Variants in CRAMP1 observed in about 807,000 individuals in gnomAD.
CRAMP1 encodes the protein cramped chromatin regulator 1.
Under a neutral mutation model 115.4 loss-of-function variants are expected in CRAMP1, and 50 were observed. The observed-to-expected ratio is 0.43, with a 90% CI of 0.35 to 0.55. The LOEUF (loss-of-function observed/expected upper bound fraction) is 0.55. Among genes scored for constraint, CRAMP1 ranks in the 20% least tolerant of loss-of-function variants. CRAMP1 has a pLI of 0.01. For missense variants in CRAMP1, 1,679 were observed against 1,721.7 expected, an observed-to-expected ratio of 0.98 and a Z score of 0.44; for synonymous variants, 866 against 745.4, an observed-to-expected ratio of 1.16 and a Z score of -2.64.
chr16:1,617,129 C>T (rs896213335), intron 2 of CRAMP1, among the ~76,000 whole-genome samples: 2 of 152,170 alleles, frequency 1.3e-5, no homozygotes, highest in South Asian at 2.1e-4. Context: ...TGGCCACAAG[C>T]AAATATATCT....
intron 2 of CRAMP1, chr16:1,620,829 C>A (rs552815056): frequency 5.3e-6 from 2 of 375,504 alleles, no homozygotes; most frequent in South Asian, 3.7e-5. Flanking sequence ...TCTGACGGCA[C>A]GGCATGGGAA....
chr16:1,632,376 C>A lies in CRAMP1; in HGVS notation c.694+11C>A, dbSNP rs1423743448. 6.3e-7 allele frequency: 1 copy of A among 1,580,904 alleles called. No individual in the cohort carries two copies. The highest frequency in any genetic ancestry group is 1.8e-5 in the Admixed American group (1 of 54,424). On this transcript the variant is annotated intron_variant, in intron 4 of 20. Coordinates refer to ENST00000397412, the MANE Select transcript of CRAMP1 (RefSeq NM_020825.4). ...TCGACTTTGATCATGGTGAGTGTGC[C>A]ACGGGCCAGGCTCGGGGGTGCCCAC...
Position 1,632,364 on chromosome 16 carries a change from T to C in CRAMP1, c.693T>C (p.His231=). The C allele has an allele frequency of 1.3e-6, 2 of 1,587,928 alleles. No homozygotes were observed. Among genetic ancestry groups the C allele is most frequent in the South Asian group, 1.2e-5 (1 of 86,836 alleles). The change falls in exon 4 of 21, where the codon CAT becomes CAC. Residue 231 remains histidine, a splice_region_variant and synonymous_variant. Transcript: ENST00000397412. ...TCACCAAGTACATCGACTTTGATCA[T>C]GGTGAGTGTGCCACGGGCCAGGCTC... The part of the protein sequence containing the change: ...HKITKYIDFD[H]VFSRGLKKSS...
intron 2 of CRAMP1, among the ~76,000 whole-genome samples, chr16:1,625,252 G>A (rs1437086194): frequency 3.9e-5 from 6 of 152,080 alleles, no homozygotes; most frequent in East Asian, 1.9e-4. Flanking sequence ...CTCCGGTCTC[G>A]GAGGAGCCTG....
intron 6 of CRAMP1, among the ~76,000 whole-genome samples, chr16:1,641,469 C>T (rs1201545186): frequency 6.6e-6 from 1 of 152,198 alleles, no homozygotes; most frequent in African/African-American, 2.4e-5. Context: ...CACTCAGGGC[C>T]CTGCTTTTTG....
chr16:1,625,821 C>T (rs1238224844), intron 2 of CRAMP1, 152 bp from the exon 3 acceptor site: 5 of 654,722 alleles, frequency 7.6e-6, no homozygotes, highest in South Asian at 2.0e-5. Context: ...TCGCTGGTGC[C>T]GTGGGTCCTG....
chr16:1,640,172 A>AT (rs2036620601), intron 5 of CRAMP1, among the ~76,000 whole-genome samples: 1 of 151,694 alleles, frequency 6.6e-6, no homozygotes, highest in Non-Finnish European at 1.5e-5. Flanking sequence ...AACCTCCTGT[A>AT]TTTTTTTCCG....
intron 5 of CRAMP1, 122 bp downstream of exon 5, chr16:1,638,029 A>G: frequency 2.1e-6 from 1 of 481,882 alleles, no homozygotes; most frequent in Non-Finnish European, 3.7e-6. Context: ...TTTTACTAGA[A>G]GAGGTGAAGA....
chr16:1,630,742 G>T (rs1163540150), intron 3 of CRAMP1, among the ~76,000 whole-genome samples: 2 of 152,180 alleles, frequency 1.3e-5, no homozygotes, highest in Non-Finnish European at 2.9e-5. Context: ...TTTTTTTGTC[G>T]TTGATGACCT....
intron 4 of CRAMP1, among the ~76,000 whole-genome samples, 166 bp from the exon 5 acceptor site, chr16:1,637,658 G>A (rs1490020191): frequency 6.6e-6 from 1 of 152,186 alleles, no homozygotes; most frequent in Non-Finnish European, 1.5e-5. Context: ...ACACAGCACC[G>A]TGTTCTATAC....
At position 1,616,017 on chromosome 16, in the gene CRAMP1, G is replaced by A. The variant is rs567279032; in HGVS notation, c.346+1032G>A. On this transcript the variant is annotated intron_variant, in intron 2 of 20. Coordinates refer to ENST00000397412, the MANE Select transcript of CRAMP1 (RefSeq NM_020825.4). ...TTCCATTAAGCCCACTTCTCCTGCC[G>A]CATTCTCAACCGAAGAAGGCTGGCC... 7.2e-5 allele frequency among the ~76,000 whole-genome samples: 11 copies of A among 152,278 alleles called. No homozygotes were observed. In the South Asian group the frequency reaches 1.7e-3, roughly 23 times the overall value.
chr16:1,656,887 C>G lies in CRAMP1; in HGVS notation c.2130C>G (p.Pro710=). ...KLQLEYDWLG[P]GRQDPRPGSL... The stretch of plus-strand genomic sequence containing the variant: ...AGCTGGAGTACGACTGGCTGGGGCC[C>G]GGCCGCCAGGACCCCCGCCCCGGCT... The change falls in exon 10 of 21, where the codon CCC becomes CCG. Residue 710 remains proline, a synonymous_variant. Transcript: ENST00000397412. The surrounding 1 kb of genome is among the most constrained non-coding windows in gnomAD (Gnocchi z 5.6). 1.3e-6 allele frequency: 2 copies of G among 1,551,168 alleles called. No individual in the cohort carries two copies. Among genetic ancestry groups the G allele is most frequent in the South Asian group, 2.4e-5 (2 of 84,100 alleles).
intron 6 of CRAMP1, among the ~76,000 whole-genome samples, chr16:1,645,119 T>G: frequency 6.9e-6 from 1 of 145,962 alleles, no homozygotes; most frequent in Middle Eastern, 3.5e-3. Flanking sequence ...ACAGAAAAAC[T>G]GTGTACAGAG....
chr16:1,615,018 C>G (rs1049831809), intron 2 of CRAMP1, 33 bp downstream of exon 2: 1 of 1,186,850 alleles, frequency 8.4e-7, no homozygotes, highest in African/African-American at 1.6e-5. Flanking sequence ...GAGACCCCAG[C>G]CCCTCTCCGG....
chr16:1,640,087 AG>A (rs1404841273), intron 5 of CRAMP1, among the ~76,000 whole-genome samples: 2 of 152,200 alleles, frequency 1.3e-5, no homozygotes. Context: ...CCTGGCGACA[AG>A]AGCCCTTTCC....
chr16:1,614,224 C>T lies in CRAMP1; in HGVS notation c.-1-415C>T. On this transcript the variant is annotated intron_variant, in intron 1 of 20. Transcript: ENST00000397412. This position sits in a 1 kb window ranked among gnomAD's most constrained non-coding sequence, Gnocchi z 4.4. ...GCAGGGCCAGGCCATGAGCCGCGGC[C>T]CCGCCGGGTAGGTGGCTGTGGGCGG... 6.8e-6 allele frequency among the ~76,000 whole-genome samples: 1 copy of T among 147,610 alleles called. No individual in the cohort carries two copies. Among genetic ancestry groups the T allele is most frequent in the Non-Finnish European group, 1.5e-5 (1 of 66,170 alleles).
At chr16:1,658,385 G>C (rs1346230329) in intron 10 of CRAMP1, among the ~76,000 whole-genome samples, 1 of 152,188 alleles carries the variant, frequency 6.6e-6, no homozygotes, top group Non-Finnish European at 1.5e-5. Context: ...GGGAGGGGCT[G>C]AGGAGAGACA....
At chr16:1,665,612 C>T (rs1198788361) in intron 14 of CRAMP1, among the ~76,000 whole-genome samples, 2 of 152,326 alleles carry the variant, frequency 1.3e-5, no homozygotes, top group East Asian at 1.9e-4. Flanking sequence ...TTGACTTCCA[C>T]GTCTCTCACT....
Position 1,629,295 on chromosome 16 carries a change from C to T in CRAMP1, c.541-2917C>T, listed in dbSNP as rs182656654. On this transcript the variant is annotated intron_variant, in intron 3 of 20. Transcript: ENST00000397412. ...CCCTCCCTGTCTCTGCACAGGCAGC[C>T]GGGGGCATCCTCAGCCTGTTACCAT... 1.7e-3 allele frequency among the ~76,000 whole-genome samples: 253 copies of T among 152,306 alleles called. 1 individual carries two copies. The highest frequency in any genetic ancestry group is 5.6e-3 in the African/African-American group (232 of 41,558).
Sources: allele counts gnomAD v4.1 joint callset (sites outside exome capture counted in the v4.1 genomes callset), GRCh38; gene constraint gnomAD v4.1.1; non-coding constraint Gnocchi (gnomAD v3.1); transcripts MANE v1.5; gene names NCBI Gene and HGNC (gene_info 2026-07-23, HGNC 2026-07-21).